The following MAP3K20 variants were observed in gnomAD, a reference collection of about 807,000 sequenced individuals.
MAP3K20 encodes mitogen-activated protein kinase kinase kinase 20, also known as HCCS-4.
MAP3K20 carries 40 observed loss-of-function variants against 85.7 expected under a neutral mutation model. That is an observed-to-expected ratio of 0.47 (90% CI 0.36 to 0.61). The LOEUF is 0.61. Among genes scored for constraint, MAP3K20 ranks in the 20% least tolerant of loss-of-function variants. The pLI is 0.00. For missense variants in MAP3K20, 817 were observed against 961.7 expected, an observed-to-expected ratio of 0.85 and a Z score of 1.99; for synonymous variants, 325 against 327.7, an observed-to-expected ratio of 0.99 and a Z score of 0.09.
At chr2:173,235,952 T>C (rs1684637493) in intron 14 of MAP3K20, among the ~76,000 whole-genome samples, 1 of 152,064 alleles carries the variant, frequency 6.6e-6, no homozygotes, top group Non-Finnish European at 1.5e-5. Flanking sequence ...GGAAAAGCTT[T>C]AAGATAGAAT....
intron 7 of MAP3K20, among the ~76,000 whole-genome samples, chr2:173,193,426 C>T (rs1272920812): frequency 1.3e-5 from 2 of 152,040 alleles, no homozygotes; most frequent in Non-Finnish European, 2.9e-5. Flanking sequence ...CTTTTAGCCT[C>T]AACATTATTT....
intron 16 of MAP3K20, among the ~76,000 whole-genome samples, chr2:173,241,393 G>A (rs147989326): frequency 2.6e-5 from 4 of 152,154 alleles, no homozygotes; most frequent in East Asian, 1.9e-4. Flanking sequence ...CTGGGGGATC[G>A]CTTGAGCCTA....
In MAP3K20 at chr2:173,197,703, A is replaced by G. The variant is rs1446578890; in HGVS notation, c.583-323A>G. On this transcript the variant is annotated intron_variant, in intron 7 of 19. Coordinates refer to ENST00000375213, the MANE Select transcript of MAP3K20 (RefSeq NM_016653.3). ...GAACGAGTTTTAACTAACAAAATAT[A>G]CAATCTAATTTGTGAGAACATAAAA... is the stretch of plus-strand genomic sequence containing the variant. 4 of 156,416 alleles carry G rather than the reference A, an allele frequency of 2.6e-5. No homozygotes were observed. The East Asian group carries it at 7.4e-4, about 29-fold the overall frequency. The allele number at this position is 156,416 out of a possible 1,614,324, so 9.7% of individuals were successfully genotyped here.
At chr2:173,203,765 ATTTTGTTTTG>A in intron 8 of MAP3K20, 21 bp from the exon 9 acceptor site, 1 of 1,534,400 alleles carries the variant, frequency 6.5e-7, no homozygotes, top group Non-Finnish European at 9.0e-7. Context: ...TCCCTGTTTT[ATTTTGTTTTG>A]TTTCCCTCTG....
intron 3 of MAP3K20, among the ~76,000 whole-genome samples, chr2:173,173,573 A>T (rs200596563): frequency 1.3e-5 from 2 of 152,256 alleles, no homozygotes; most frequent in East Asian, 1.9e-4. Flanking sequence ...GCCCAATCTC[A>T]TTTCCCTTAA....
chr2:173,175,136 C>T (rs1046705398), intron 3 of MAP3K20, among the ~76,000 whole-genome samples: 3 of 152,104 alleles, frequency 2.0e-5, no homozygotes, highest in Non-Finnish European at 4.4e-5. Context: ...CCTTTATAAG[C>T]TTTGAAAAAC....
intron 14 of MAP3K20, among the ~76,000 whole-genome samples, chr2:173,233,896 A>G (rs1684585244): frequency 1.3e-5 from 2 of 152,232 alleles, no homozygotes; most frequent in Admixed American, 1.3e-4. Flanking sequence ...CACAACAGAA[A>G]GAGGACCTTG....
intron 5 of MAP3K20, among the ~76,000 whole-genome samples, chr2:173,190,486 A>G (rs1053345072): frequency 6.6e-6 from 1 of 152,340 alleles, no homozygotes; most frequent in Non-Finnish European, 1.5e-5. Flanking sequence ...ATGAATGAAT[A>G]TTCTCTCCAC....
chr2:173,266,129 T>A lies in MAP3K20; in HGVS notation c.1782T>A (p.Asn594Lys), dbSNP rs759217039. The change falls in exon 20 of 20, where the codon AAT becomes AAA. Residue 594 changes from asparagine to lysine, a missense_variant. Asn to Lys is a moderately conservative substitution (Grantham distance 94). Coordinates refer to ENST00000375213, the MANE Select transcript of MAP3K20 (RefSeq NM_016653.3). ...CTTCTTTACAGCGTTCCCAGAGCAA[T>A]CCTATTCTGGGGTCACCGTTCTTCT... The part of the protein sequence containing the change: ...SNTSLQRSQS[N>K]PILGSPFFSH... 1 of 1,613,246 alleles carries A rather than the reference T, an allele frequency of 6.2e-7. No individual in the cohort carries two copies. The highest frequency in any genetic ancestry group is 8.5e-7 in the Non-Finnish European group (1 of 1,179,696).
At chr2:173,224,082 CGAT>C in intron 11 of MAP3K20, 1 of 903,716 alleles carries the variant, frequency 1.1e-6, no homozygotes, top group Non-Finnish European at 1.3e-6. Context: ...GAGTGAAGAT[CGAT>C]GATAAATAAA....
intron 10 of MAP3K20, 39 bp from the exon 11 acceptor site, chr2:173,217,074 CTT>C (rs1684094111): frequency 7.0e-7 from 1 of 1,424,284 alleles, no homozygotes; most frequent in African/African-American, 1.5e-5. Flanking sequence ...CTTGATGTCT[CTT>C]AAGTAAAGTT....
intron 1 of MAP3K20, among the ~76,000 whole-genome samples, chr2:173,089,693 A>C (rs1054526852): frequency 8.6e-5 from 13 of 151,640 alleles, no homozygotes; most frequent in Non-Finnish European, 4.4e-5. Context: ...GGGAATTCTC[A>C]TGTCTCAGCC....
chr2:173,267,336 T>G lies in MAP3K20; in HGVS notation c.*586T>G, dbSNP rs1685449511. The G allele has an allele frequency of 6.6e-6, 1 of 152,128 alleles. No individual in the cohort carries two copies. The highest frequency in any genetic ancestry group is 2.1e-4 in the South Asian group (1 of 4,824). 9.4% of individuals were successfully genotyped at this position (152,128 alleles called of 1,614,324 possible). On this transcript the variant is annotated 3_prime_UTR_variant, in exon 20 of 20. Coordinates refer to ENST00000375213, the MANE Select transcript of MAP3K20 (RefSeq NM_016653.3). ...TTTTCTTTTCTTTCTTTCCCCCTCT[T>G]TTTTTTGGATGTCCCCTTAAATTTT...
intron 1 of MAP3K20, 39 bp downstream of exon 1, chr2:173,076,041 AG>A (rs1686843349): frequency 2.0e-6 from 2 of 977,838 alleles, no homozygotes; most frequent in African/African-American, 1.8e-5. Context: ...GCGGGGAGGG[AG>A]GGGGCGAGGC....
intron 3 of MAP3K20, among the ~76,000 whole-genome samples, chr2:173,173,154 CTG>C (rs57836780): frequency 0.042 from 5,855 of 138,536 alleles, 170 homozygotes; most frequent in African/African-American, 0.091. Flanking sequence ...TCTTTTATTT[CTG>C]TGTGTGTGTG....
intron 2 of MAP3K20, among the ~76,000 whole-genome samples, chr2:173,139,987 G>A (rs185562236): frequency 2.4e-3 from 358 of 151,266 alleles, no homozygotes; most frequent in African/African-American, 7.5e-3. Flanking sequence ...TTCCTTCCCT[G>A]CAATCCTATA....
intron 2 of MAP3K20, among the ~76,000 whole-genome samples, chr2:173,118,476 A>T (rs722864): frequency 0.02 from 3,086 of 152,122 alleles, 55 homozygotes; most frequent in Admixed American, 0.041. Flanking sequence ...TGGTTTTTTG[A>T]GGGGGGTGAC....
At chr2:173,096,924 G>T (rs1361308278) in intron 2 of MAP3K20, among the ~76,000 whole-genome samples, 1 of 152,194 alleles carries the variant, frequency 6.6e-6, no homozygotes, top group African/African-American at 2.4e-5. Context: ...ATGAATTCCA[G>T]ATGAGCTGGG....
At chr2:173,154,084 T>C (rs559632639) in intron 2 of MAP3K20, among the ~76,000 whole-genome samples, 4 of 152,272 alleles carry the variant, frequency 2.6e-5, no homozygotes, top group South Asian at 2.1e-4. Flanking sequence ...AGCAATTCCA[T>C]TACCTGCCTG....
Sources: gnomAD v4.1 joint callset for allele counts (sites outside exome capture counted in the v4.1 genomes callset) on GRCh38, gnomAD v4.1.1 for gene constraint, MANE v1.5 for transcripts, NCBI Gene and HGNC (gene_info 2026-07-23, HGNC 2026-07-21) for gene names.